Variants in INPP5A observed in about 807,000 individuals in gnomAD.
INPP5A encodes the protein 43 kDa inositol polyphosphate 5-phophatase.
INPP5A carries 14 observed loss-of-function variants against 65.2 expected under a neutral mutation model. The ratio of observed to expected loss-of-function variants is 0.21; its 90% CI spans 0.14 to 0.34. The LOEUF (loss-of-function observed/expected upper bound fraction) is 0.34. INPP5A is among the 10% of genes least tolerant of loss of function. The pLI is 1.00. For missense variants in INPP5A, 431 were observed against 545.6 expected (o/e 0.79, Z 2.09); for synonymous variants, 207 against 208.3 (o/e 0.99, Z 0.05).
intron 5 of INPP5A, among the ~76,000 whole-genome samples, chr10:132,691,092 G>A (rs1022354526): frequency 2.0e-5 from 3 of 152,242 alleles, no homozygotes; most frequent in Admixed American, 2.0e-4. Flanking sequence ...TGCCCTGCAC[G>A]TCGTAGTAAC....
rs1564975978 is a variant in INPP5A at position 132,710,317 on chromosome 10, C to G, written c.528-20C>G. 1 of 1,613,130 alleles carries G rather than the reference C, an allele frequency of 6.2e-7. No homozygotes were observed. The highest frequency in any genetic ancestry group is 8.5e-7 in the Non-Finnish European group (1 of 1,179,544). On this transcript the variant is annotated intron_variant, in intron 7 of 15. Transcript: ENST00000368594. ...AGGCTCCGGCCCTTGGTGACGTGTC[C>G]TTTTCTCTTTTGGTTGCAGTGCCTT...
chr10:132,572,678 G>T (rs1404953890), intron 1 of INPP5A, among the ~76,000 whole-genome samples: 1 of 152,206 alleles, frequency 6.6e-6, no homozygotes, highest in African/African-American at 2.4e-5. Context: ...TAGTGTGCTT[G>T]TTCTGGCTTT....
At chr10:132,709,358 G>C (rs1207948507) in intron 7 of INPP5A, among the ~76,000 whole-genome samples, 1 of 130,472 alleles carries the variant, frequency 7.7e-6, no homozygotes, top group Non-Finnish European at 1.7e-5. Flanking sequence ...AGAGAGAAGG[G>C]TAGGAGAGGA....
chr10:132,594,334 GT>G, intron 1 of INPP5A, among the ~76,000 whole-genome samples: 1 of 152,332 alleles, frequency 6.6e-6, no homozygotes, highest in East Asian at 1.9e-4. Flanking sequence ...AAGGACAGAC[GT>G]GGCTAGTGCA....
rs1438575083 is a variant in INPP5A at position 132,707,717 on chromosome 10, G to A, written c.475-596G>A. Among the ~76,000 whole-genome samples, 1 of 152,154 alleles carries A rather than the reference G, an allele frequency of 6.6e-6. No individual in the cohort carries two copies. Among genetic ancestry groups the A allele is most frequent in the Admixed American group, 6.5e-5 (1 of 15,270 alleles). The stretch of plus-strand genomic sequence containing the variant: ...TGACTGTTTCACTTGAATTTTGGGG[G>A]TACTTTTAGACCAGAGCTCAGGCTC... On this transcript the variant is annotated intron_variant, in intron 6 of 15. Transcript: ENST00000368594. The surrounding 1 kb of genome is among the most constrained non-coding windows in gnomAD (Gnocchi z 5.5).
rs549769222 is a variant in INPP5A, at chr10:132,660,593, TGGCTCTGGTGTCTGAGCAGA to T, written c.306+10113_306+10132del. On this transcript the variant is annotated intron_variant, in intron 4 of 15. Transcript: ENST00000368594. Reference sequence around the variant, plus strand: ...CACCTGTGTCAGCAACAGGTGGGAGTGGCTCTGGTGTCTGAGCAGAGGCTCTGGTGTCTGAGCAGAGGCTG... The same window carrying T: ...CACCTGTGTCAGCAACAGGTGGGAGTGGCTCTGGTGTCTGAGCAGAGGCTG... Among the ~76,000 whole-genome samples the T allele has an allele frequency of 8.2e-3, 1,248 of 152,062 alleles. 13 individuals carry two copies. The highest frequency in any genetic ancestry group is 0.029 in the African/African-American group (1,184 of 41,442).
intron 8 of INPP5A, among the ~76,000 whole-genome samples, chr10:132,721,803 G>A (rs1299749727): frequency 6.6e-6 from 1 of 151,828 alleles, no homozygotes; most frequent in Non-Finnish European, 1.5e-5. Context: ...GTTCTGTGGT[G>A]CCTAGGTTCT....
intron 1 of INPP5A, among the ~76,000 whole-genome samples, chr10:132,598,631 A>G (rs1448941028): frequency 2.0e-5 from 3 of 152,232 alleles, no homozygotes; most frequent in Non-Finnish European, 4.4e-5. Flanking sequence ...GTGGATGGAC[A>G]CTTGGGTTTC....
chr10:132,544,714 G>A (rs1203772546), intron 1 of INPP5A, among the ~76,000 whole-genome samples: 3 of 152,078 alleles, frequency 2.0e-5, no homozygotes, highest in African/African-American at 7.2e-5. Flanking sequence ...AAGCCTGGCA[G>A]TTCTCCGTTT....
intron 12 of INPP5A, among the ~76,000 whole-genome samples, chr10:132,775,637 C>T (rs1042593836): frequency 9.9e-5 from 15 of 152,166 alleles, no homozygotes; most frequent in African/African-American, 3.6e-4. Flanking sequence ...CAGGCTTCTT[C>T]CTCCTGTTGA....
intron 9 of INPP5A, among the ~76,000 whole-genome samples, chr10:132,739,067 C>T (rs997919150): frequency 1.9e-4 from 29 of 152,260 alleles, no homozygotes; most frequent in Admixed American, 1.7e-3. Flanking sequence ...TCTGAGGGCC[C>T]GCCCCGCAGC....
intron 2 of INPP5A, among the ~76,000 whole-genome samples, chr10:132,624,857 C>T (rs2072159722): frequency 6.6e-6 from 1 of 151,768 alleles, no homozygotes; most frequent in South Asian, 2.1e-4. Flanking sequence ...TCCTGGCTGA[C>T]ACAGCTCCAT....
chr10:132,624,868 G>A (rs2072160089), intron 2 of INPP5A, among the ~76,000 whole-genome samples: 1 of 149,480 alleles, frequency 6.7e-6, no homozygotes, highest in Non-Finnish European at 1.5e-5. Flanking sequence ...ACAGCTCCAT[G>A]CCGCCGGTGC....
In INPP5A at chr10:132,727,940, C is replaced by G. The variant is rs752250321; in HGVS notation, c.732+1035C>G. Reference sequence around the variant, plus strand: ...ATCTTCCCATTTTAGTCTCCAGTTCCAAACACCCACACGTATTCATCTTCC... The same window carrying G: ...ATCTTCCCATTTTAGTCTCCAGTTCGAAACACCCACACGTATTCATCTTCC... On this transcript the variant is annotated intron_variant, in intron 9 of 15. Coordinates refer to ENST00000368594, the MANE Select transcript of INPP5A (RefSeq NM_005539.5). This position sits in a 1 kb window ranked among gnomAD's most constrained non-coding sequence, Gnocchi z 6.5. Among the ~76,000 whole-genome samples, 13 of 152,274 alleles carry G rather than the reference C, an allele frequency of 8.5e-5. No individual in the cohort carries two copies. Among genetic ancestry groups the G allele is most frequent in the Non-Finnish European group, 1.5e-4 (10 of 68,016 alleles).
intron 5 of INPP5A, among the ~76,000 whole-genome samples, chr10:132,695,487 C>G (rs757473430): frequency 2.6e-5 from 4 of 152,162 alleles, no homozygotes; most frequent in Non-Finnish European, 5.9e-5. Flanking sequence ...TACTGAAAAT[C>G]TTAGATAATG....
chr10:132,584,279 C>G (rs2071521585), intron 1 of INPP5A, among the ~76,000 whole-genome samples: 1 of 152,212 alleles, frequency 6.6e-6, no homozygotes, highest in Non-Finnish European at 1.5e-5. Context: ...AGTGTCATCC[C>G]TCCTCTGTGT....
rs1255176824 is a variant in INPP5A, at chr10:132,741,742, A to ACG, written c.733-7775_733-7774insCG. 1.3e-3 allele frequency among the ~76,000 whole-genome samples: 75 copies of ACG among 58,486 alleles called. No homozygotes were observed. Among genetic ancestry groups the ACG allele is most frequent in the African/African-American group, 2.9e-3 (67 of 22,922 alleles). The allele number at this position is 58,486 out of a possible 152,430, so 38.4% of individuals were successfully genotyped here. ...TATCTGTGTCCGCTTGCTTTACTCA[A>ACG]TAGCCGACGTAAACTGAGGTGGACG... is the stretch of plus-strand genomic sequence containing the variant. On this transcript the variant is annotated intron_variant, in intron 9 of 15. Coordinates refer to ENST00000368594, the MANE Select transcript of INPP5A (RefSeq NM_005539.5). The surrounding 1 kb of genome is among the most constrained non-coding windows in gnomAD (Gnocchi z 4.4).
chr10:132,554,352 C>T (rs78037285), intron 1 of INPP5A, among the ~76,000 whole-genome samples: 2,162 of 152,172 alleles, frequency 0.014, 19 homozygotes, highest in Middle Eastern at 0.048. Flanking sequence ...GCTTAGGGCA[C>T]GCAGAGTCCA....
intron 1 of INPP5A, among the ~76,000 whole-genome samples, chr10:132,593,924 G>T (rs2071650565): frequency 6.6e-6 from 1 of 152,158 alleles, no homozygotes; most frequent in African/African-American, 2.4e-5. Flanking sequence ...ATAATCATTA[G>T]ACTTTTTTAG....
Sources: gnomAD v4.1 joint callset for allele counts (sites outside exome capture counted in the v4.1 genomes callset) on GRCh38, gnomAD v4.1.1 for gene constraint, Gnocchi (gnomAD v3.1) non-coding constraint, MANE v1.5 for transcripts, NCBI Gene and HGNC (gene_info 2026-07-23, HGNC 2026-07-21) for gene names.